BCORL1: variants seen among roughly 807,000 people sequenced by gnomAD.
The protein encoded by BCORL1 is BCL-6 corepressor-like protein 1.
BCORL1 carries 7 observed loss-of-function variants against 87.6 expected under a neutral mutation model. The ratio of observed to expected loss-of-function variants is 0.08; its 90% CI spans 0.05 to 0.15. The LOEUF (loss-of-function observed/expected upper bound fraction) is 0.15. Among genes scored for constraint, BCORL1 ranks in the 10% least tolerant of loss-of-function variants. BCORL1 has a pLI of 1.00. For missense variants in BCORL1, 1,215 were observed against 1,499.7 expected (o/e 0.81, Z 3.13); for synonymous variants, 591 against 634.4 (o/e 0.93, Z 1.03).
At chrX:130,026,645 G>A (rs1383641188) in intron 7 of BCORL1, among the ~76,000 whole-genome samples, 2 of 112,423 alleles carry the variant, frequency 1.8e-5, no homozygotes, top group Middle Eastern at 4.6e-3. Context: ...GAGGTTGCCT[G>A]GTCCAGTTTG....
intron 2 of BCORL1, 29 bp downstream of exon 2, chrX:130,005,346 T>C (rs1928401745): frequency 1.7e-6 from 2 of 1,155,190 alleles, no homozygotes; most frequent in African/African-American, 1.8e-5. Context: ...TGGCCGCTGC[T>C]GGCCTCCAGT....
chrX:130,006,989 C>A (rs180780559), intron 2 of BCORL1, among the ~76,000 whole-genome samples: 84 of 112,198 alleles, frequency 7.5e-4, no homozygotes, highest in South Asian at 1.8e-3. Context: ...AGACACAGAA[C>A]AATATGGCTT....
intron 11 of BCORL1, among the ~76,000 whole-genome samples, chrX:130,040,867 A>G (rs1428787552): frequency 9.0e-6 from 1 of 111,614 alleles, no homozygotes; most frequent in Non-Finnish European, 1.9e-5. Flanking sequence ...TTGATATGAC[A>G]AAGGCACCAC....
At chrX:130,041,426 C>T (rs1931310350) in intron 11 of BCORL1, among the ~76,000 whole-genome samples, 1 of 111,208 alleles carries the variant, frequency 9.0e-6, no homozygotes, top group African/African-American at 3.3e-5. Flanking sequence ...CTCTGCCTCC[C>T]GGGTTCAAGC....
At chrX:130,043,276 T>A in intron 11 of BCORL1, among the ~76,000 whole-genome samples, 1 of 111,305 alleles carries the variant, frequency 9.0e-6, no homozygotes, top group Admixed American at 9.6e-5. Flanking sequence ...GTGATCCGCC[T>A]CCCTTGGCCT....
In BCORL1 at chrX:130,037,416, G is replaced by A. The variant is rs758082520; in HGVS notation, c.4577G>A (p.Arg1526His). 9.3e-5 allele frequency: 113 copies of A among 1,209,882 alleles called. No individual in the cohort carries two copies. Among genetic ancestry groups the A allele is most frequent in the Non-Finnish European group, 1.2e-4 (109 of 895,090 alleles). The change falls in exon 10 of 14, where the codon CGT becomes CAT. Residue 1526 changes from arginine (R) to histidine (H), a missense_variant. This residue lies in a region of BCORL1 where 55 missense variants were observed against 115.1 expected (regional missense o/e 0.48). Coordinates refer to ENST00000540052, the MANE Select transcript of BCORL1 (RefSeq NM_001379451.1). ...LQKDSEDVNH[R>H]DNAGYTALHE... is the part of the protein sequence containing the mutation. ...AAAGACAGTGAAGATGTGAATCACC[G>A]TGACAATGCTGGCTACACAGCCCTG...
upstream of BCORL1, chrX:129,982,471 C>T (rs1046852161): frequency 9.1e-6 from 1 of 110,446 alleles, no homozygotes; most frequent in Non-Finnish European, 1.9e-5. Flanking sequence ...CCATTCCCCC[C>T]CACCCGCGTA....
intron 1 of BCORL1, among the ~76,000 whole-genome samples, chrX:129,989,786 T>C (rs1212306268): frequency 9.6e-6 from 1 of 103,915 alleles, no homozygotes; most frequent in African/African-American, 3.8e-5. Flanking sequence ...CTCTCTTTGT[T>C]TCTTTTTTTT....
chrX:130,030,139 C>G (rs1930495757), intron 8 of BCORL1, among the ~76,000 whole-genome samples: 1 of 112,068 alleles, frequency 8.9e-6, no homozygotes, highest in South Asian at 3.7e-4. Context: ...TTCTGTCTCA[C>G]AAGGGTGCTT....
chrX:130,022,236 C>CTTTCTTTTTT (rs1393042893), intron 5 of BCORL1, among the ~76,000 whole-genome samples: 1 of 56,335 alleles, frequency 1.8e-5, no homozygotes, highest in African/African-American at 7.5e-5. Flanking sequence ...TTCTTTCTTT[C>CTTTCTTTTTT]TTTTTTTTTT....
At chrX:130,011,095 G>T (rs1320410865) in intron 2 of BCORL1, among the ~76,000 whole-genome samples, 1 of 105,726 alleles carries the variant, frequency 9.5e-6, no homozygotes, top group Non-Finnish European at 1.9e-5. Context: ...TTCCCCAGGG[G>T]CACACAGAGC....
chrX:130,001,380 T>C (rs1009751306), intron 1 of BCORL1, among the ~76,000 whole-genome samples: 1 of 112,543 alleles, frequency 8.9e-6, no homozygotes, highest in African/African-American at 3.2e-5. Flanking sequence ...TGAGCCACCG[T>C]GGCTGGCCAA....
intron 6 of BCORL1, among the ~76,000 whole-genome samples, chrX:130,023,650 C>T (rs912263721): frequency 1.8e-5 from 2 of 112,116 alleles, no homozygotes; most frequent in Non-Finnish European, 3.8e-5. Context: ...ACATGGCAAG[C>T]GAGGTGGTAA....
At chrX:129,989,072 A>G (rs1208511673) in intron 1 of BCORL1, among the ~76,000 whole-genome samples, 1 of 111,290 alleles carries the variant, frequency 9.0e-6, no homozygotes, top group Non-Finnish European at 1.9e-5. Context: ...GAGACCGACA[A>G]CCTCAGGTTA....
chrX:129,989,204 C>T (rs920073997), intron 1 of BCORL1, among the ~76,000 whole-genome samples: 2 of 109,781 alleles, frequency 1.8e-5, no homozygotes, highest in African/African-American at 3.3e-5. Flanking sequence ...GGCATGATCT[C>T]GGCTCACTGC....
At chrX:129,998,544 C>A (rs1927745945) in intron 1 of BCORL1, among the ~76,000 whole-genome samples, 1 of 111,926 alleles carries the variant, frequency 8.9e-6, no homozygotes, top group African/African-American at 3.2e-5. Flanking sequence ...AAACAAACCC[C>A]TAGGCCTACT....
chrX:129,995,623 A>G (rs994111356), intron 1 of BCORL1, among the ~76,000 whole-genome samples: 3 of 109,886 alleles, frequency 2.7e-5, no homozygotes, highest in Non-Finnish European at 5.7e-5. Flanking sequence ...TATTTTTAGT[A>G]GAGATGGGGT....
At position 130,021,152 on chromosome X, in the gene BCORL1, T is replaced by C; in HGVS notation, c.3607+2T>C. The C allele has an allele frequency of 8.3e-7, 1 of 1,198,829 alleles. No individual in the cohort carries two copies. Among genetic ancestry groups the C allele is most frequent in the Non-Finnish European group, 1.1e-6 (1 of 890,396 alleles). On this transcript the variant is annotated splice_donor_variant, in intron 5 of 13. Coordinates refer to ENST00000540052, the MANE Select transcript of BCORL1 (RefSeq NM_001379451.1). LOFTEE classifies it high-confidence loss of function. ...AACGAGCCGACAGCCACGAGGAAGGTAGGCCCCGCGGCCCTGGCCCTCTGG... is the reference window on the plus strand; with the variant it reads ...AACGAGCCGACAGCCACGAGGAAGGCAGGCCCCGCGGCCCTGGCCCTCTGG...
Position 130,056,244 on chromosome X carries a change from G to A in BCORL1, c.*108G>A. 1.2e-6 allele frequency: 1 copy of A among 864,783 alleles called. No individual in the cohort carries two copies. Among genetic ancestry groups the A allele is most frequent in the Non-Finnish European group, 1.6e-6 (1 of 640,334 alleles). 71.3% of individuals were successfully genotyped at this position (864,783 alleles called of 1,213,427 possible). ...GACTGCAGAATGAGGCAATAATACG[G>A]ACCAACAAGAAGCCGCCTTATCAAT... On this transcript the variant is annotated 3_prime_UTR_variant, in exon 14 of 14. Transcript: ENST00000540052.
Sources: gnomAD v4.1 joint callset for allele counts (sites outside exome capture counted in the v4.1 genomes callset) on GRCh38, gnomAD v4.1.1 for gene constraint, gnomAD v4.1.1 regional missense constraint, MANE v1.5 for transcripts, NCBI Gene and HGNC (gene_info 2026-07-23, HGNC 2026-07-21) for gene names.